PTPRT: variants seen among roughly 807,000 people sequenced by gnomAD.
PTPRT encodes protein tyrosine phosphatase receptor type T, also known as receptor-type tyrosine-protein phosphatase T.
PTPRT carries 56 observed loss-of-function variants against 176.8 expected under a neutral mutation model. The ratio of observed to expected loss-of-function variants is 0.32; its 90% CI spans 0.26 to 0.40. PTPRT has a LOEUF of 0.40. PTPRT is among the 10% of genes least tolerant of loss of function. The pLI, the probability that PTPRT is intolerant of heterozygous loss-of-function variation, is 1.00. For missense variants in PTPRT, 1,540 were observed against 1,908.2 expected, an observed-to-expected ratio of 0.81 and a Z score of 3.60; for synonymous variants, 783 against 739.0, an observed-to-expected ratio of 1.06 and a Z score of -0.96.
intron 7 of PTPRT, among the ~76,000 whole-genome samples, chr20:42,672,497 A>G (rs945215123): frequency 5.9e-5 from 9 of 152,186 alleles, no homozygotes; most frequent in Non-Finnish European, 1.0e-4. Flanking sequence ...GTCCCTATAA[A>G]GAACCCTGAC....
At chr20:43,134,982 G>A (rs201330563) in intron 1 of PTPRT, among the ~76,000 whole-genome samples, 15 of 152,242 alleles carry the variant, frequency 9.9e-5, no homozygotes, top group Non-Finnish European at 1.8e-4. Flanking sequence ...AGCACCCACC[G>A]CCACCATTCC....
At chr20:42,866,063 G>A (rs1370758405) in intron 2 of PTPRT, among the ~76,000 whole-genome samples, 2 of 152,250 alleles carry the variant, frequency 1.3e-5, no homozygotes, top group East Asian at 1.9e-4. Flanking sequence ...TGTTTCCTGG[G>A]CCCCATCCCA....
At chr20:42,979,990 T>TGGGGGGGGGGGGGGGGGGGGGGGGGGGGG (rs34988665) in intron 1 of PTPRT, among the ~76,000 whole-genome samples, 1 of 55,582 alleles carries the variant, frequency 1.8e-5, no homozygotes, top group Non-Finnish European at 3.6e-5. Context: ...GAAGGGGGGG[T>TGGGGGGGGGGGGGGGGGGGGGGGGGGGGG]GGGGGGGGGT....
intron 1 of PTPRT, among the ~76,000 whole-genome samples, chr20:43,073,008 C>G (rs1266904471): frequency 2.6e-5 from 4 of 152,200 alleles, no homozygotes; most frequent in Non-Finnish European, 5.9e-5. Context: ...AAAAGACCAT[C>G]TGTGTGCTCA....
chr20:42,656,122 A>G (rs2075121152), intron 7 of PTPRT, among the ~76,000 whole-genome samples: 1 of 152,104 alleles, frequency 6.6e-6, no homozygotes, highest in Non-Finnish European at 1.5e-5. Flanking sequence ...ACAGGGAGGT[A>G]AAGGTGGAAA....
At chr20:42,738,089 C>T (rs1040807727) in intron 6 of PTPRT, among the ~76,000 whole-genome samples, 4 of 152,062 alleles carry the variant, frequency 2.6e-5, no homozygotes, top group Non-Finnish European at 5.9e-5. Flanking sequence ...GTGCATGCCC[C>T]GGGTCCATGT....
At chr20:43,080,283 C>A (rs1278708680) in intron 1 of PTPRT, among the ~76,000 whole-genome samples, 1 of 152,222 alleles carries the variant, frequency 6.6e-6, no homozygotes, top group African/African-American at 2.4e-5. Flanking sequence ...GGCTGCTCCT[C>A]CAGCCTGGCT....
chr20:42,942,652 G>A (rs1455029727), intron 1 of PTPRT, among the ~76,000 whole-genome samples: 1 of 152,156 alleles, frequency 6.6e-6, no homozygotes, highest in Admixed American at 6.5e-5. Flanking sequence ...GCGTATGATT[G>A]CTGGCTCTGG....
At position 42,600,346 on chromosome 20, in the gene PTPRT, G is replaced by A. The variant is rs537675405; in HGVS notation, c.1153+77520C>T. On this transcript the variant is annotated intron_variant, in intron 7 of 30. Coordinates refer to ENST00000373187, the MANE Select transcript of PTPRT (RefSeq NM_007050.6). ...GTAGAGACGGGGTTTCACCGCGTTG[G>A]CGAAGCTGGTCTTGAACTCCTGACT... Among the ~76,000 whole-genome samples, 4 of 152,282 alleles carry A rather than the reference G, an allele frequency of 2.6e-5. No individual in the cohort carries two copies. The East Asian group carries it at 7.7e-4, about 29-fold the overall frequency.
chr20:42,368,627 T>G (rs1201852888), intron 9 of PTPRT, among the ~76,000 whole-genome samples: 6 of 152,224 alleles, frequency 3.9e-5, no homozygotes, highest in Admixed American at 6.5e-5. Context: ...AGAGACTCTC[T>G]CCTTGGCATG....
At chr20:42,691,543 A>G (rs2075793885) in intron 6 of PTPRT, among the ~76,000 whole-genome samples, 1 of 152,194 alleles carries the variant, frequency 6.6e-6, no homozygotes, top group Non-Finnish European at 1.5e-5. Flanking sequence ...AGGCTTATCC[A>G]TAGAGCCTAC....
chr20:42,065,876 T>C, the PTPRT span, among the ~76,000 whole-genome samples: 1 of 152,268 alleles, frequency 6.6e-6, no homozygotes, highest in African/African-American at 2.4e-5. Context: ...AATTAATAGC[T>C]TATTGAGGCC....
intron 19 of PTPRT, among the ~76,000 whole-genome samples, chr20:42,120,738 G>C (rs1263121129): frequency 6.6e-6 from 1 of 152,160 alleles, no homozygotes; most frequent in Non-Finnish European, 1.5e-5. Flanking sequence ...CCTCTTTCCA[G>C]TTACAGTCAT....
At chr20:42,594,840 G>C (rs1384354906) in intron 7 of PTPRT, among the ~76,000 whole-genome samples, 2 of 152,204 alleles carry the variant, frequency 1.3e-5, no homozygotes, top group Non-Finnish European at 2.9e-5. Flanking sequence ...CAAACTGGGA[G>C]AAATGAGTGG....
At chr20:42,099,555 G>GGGGGC (rs1985700161) in intron 26 of PTPRT, among the ~76,000 whole-genome samples, 1 of 52,020 alleles carries the variant, frequency 1.9e-5, no homozygotes, top group Non-Finnish European at 4.4e-5. Flanking sequence ...GCGGGGGGGG[G>GGGGGC]GGGGGTGGGG....
intron 1 of PTPRT, among the ~76,000 whole-genome samples, chr20:43,099,020 C>T (rs1015937112): frequency 2.6e-5 from 4 of 152,006 alleles, no homozygotes; most frequent in African/African-American, 9.7e-5. Flanking sequence ...TGCAAAAGAT[C>T]CCTGAATCAG....
At position 42,187,566 on chromosome 20, in the gene PTPRT, C is replaced by T. The variant is rs540478592; in HGVS notation, c.2491+11674G>A. 8.5e-4 allele frequency among the ~76,000 whole-genome samples: 129 copies of T among 152,326 alleles called. 1 individual carries two copies. The highest frequency in any genetic ancestry group is 1.7e-3 in the South Asian group (8 of 4,826). Reference sequence around the variant, plus strand: ...TTTTCAATCTTTGTGATAGTCCGCCCTATGGCTCTTCCATTGACTTTCCTA... The same window carrying T: ...TTTTCAATCTTTGTGATAGTCCGCCTTATGGCTCTTCCATTGACTTTCCTA... On this transcript the variant is annotated intron_variant, in intron 16 of 30. Coordinates refer to ENST00000373187, the MANE Select transcript of PTPRT (RefSeq NM_007050.6).
chr20:42,912,036 TAGGAA>T (rs1321711094), intron 1 of PTPRT, among the ~76,000 whole-genome samples: 1 of 143,378 alleles, frequency 7.0e-6, no homozygotes, highest in Non-Finnish European at 1.5e-5. Context: ...TAATAAACCC[TAGGAA>T]ATATCCACAT....
downstream of PTPRT, among the ~76,000 whole-genome samples, chr20:42,071,034 A>G (rs1166607412): frequency 6.6e-6 from 1 of 152,156 alleles, no homozygotes; most frequent in Non-Finnish European, 1.5e-5. Context: ...CCGGCTGGAC[A>G]CCAGGTTCCC....
Sources: gnomAD v4.1 joint callset for allele counts (sites outside exome capture counted in the v4.1 genomes callset) on GRCh38, gnomAD v4.1.1 for gene constraint, MANE v1.5 for transcripts, NCBI Gene and HGNC (gene_info 2026-07-23, HGNC 2026-07-21) for gene names.